MGMT: variants seen among roughly 807,000 people sequenced by gnomAD.
MGMT encodes O-6-methylguanine-DNA methyltransferase, also known as methylated-DNA--protein-cysteine methyltransferase.
In MGMT, 14 loss-of-function variants were observed where a neutral mutation model predicts 15.9. The observed-to-expected ratio is 0.88, with a 90% CI of 0.58 to 1.37. The LOEUF (loss-of-function observed/expected upper bound fraction) is 1.37. Among genes scored for constraint, MGMT ranks in the 40% most tolerant of loss-of-function variants. MGMT has a pLI of 0.00. For synonymous variants in MGMT, 130 were observed against 118.2 expected, an observed-to-expected ratio of 1.10 and a Z score of -0.65; for missense variants, 282 against 268.1, an observed-to-expected ratio of 1.05 and a Z score of -0.36.
At chr10:129,515,284 C>T (rs77157062) in intron 1 of MGMT, among the ~76,000 whole-genome samples, 22,925 of 152,190 alleles carry the variant, frequency 0.15, 2,379 homozygotes, top group African/African-American at 0.29. Flanking sequence ...GCAGCAGCTG[C>T]GGCCCTGGGA....
At position 129,528,302 on chromosome 10, in the gene MGMT, AGCCATGGAGAGCTGCAGTGGTATAGTG is replaced by A. The variant is rs1040019848; in HGVS notation, c.-12-7919_-12-7893del. Among the ~76,000 whole-genome samples, 26 of 152,200 alleles carry A rather than the reference AGCCATGGAGAGCTGCAGTGGTATAGTG, an allele frequency of 1.7e-4. No individual in the cohort carries two copies. The East Asian group carries it at 2.5e-3, about 15-fold the overall frequency. ...TTCTCACACAAGGAGAAGCCTAGCC[AGCCATGGAGAGCTGCAGTGGTATAGTG>A]GCCATGGAGAGCTGCAGTGTAGTGG... On this transcript the variant is annotated intron_variant, in intron 1 of 4. Transcript: ENST00000651593.
In MGMT at chr10:129,533,706, AG is replaced by A. The variant is rs1845956674; in HGVS notation, c.-12-2534del. Among the ~76,000 whole-genome samples, 1 of 151,970 alleles carries A rather than the reference AG, an allele frequency of 6.6e-6. No homozygotes were observed. Among genetic ancestry groups the A allele is most frequent in the Non-Finnish European group, 1.5e-5 (1 of 68,024 alleles). ...AATTCAGTTCCACAAGTATTTTATG[AG>A]CCCCTTGTGTGTGTGATGTGTGCTG... On this transcript the variant is annotated intron_variant, in intron 1 of 4. Transcript: ENST00000651593. The surrounding 1 kb of genome is among the most constrained non-coding windows in gnomAD (Gnocchi z 4.5).
chr10:129,505,444 CTG>C (rs1270940198), intron 1 of MGMT, among the ~76,000 whole-genome samples: 3 of 152,132 alleles, frequency 2.0e-5, no homozygotes, highest in African/African-American at 7.2e-5. Context: ...AAAGTAAAAA[CTG>C]AGATTCCATT....
chr10:129,672,732 G>C (rs754985968), intron 2 of MGMT, among the ~76,000 whole-genome samples: 1 of 151,926 alleles, frequency 6.6e-6, no homozygotes, highest in Non-Finnish European at 1.5e-5. Context: ...CTTTTTTCCT[G>C]CTTGAAGGTA....
chr10:129,575,352 A>G (rs1846467826), intron 2 of MGMT, among the ~76,000 whole-genome samples: 1 of 152,158 alleles, frequency 6.6e-6, no homozygotes, highest in Admixed American at 6.5e-5. Context: ...CCACAGTGCA[A>G]TCAAACTAGA....
rs956644325 is a variant in MGMT, at chr10:129,714,460, A to G, written c.274+6417A>G. On this transcript the variant is annotated intron_variant, in intron 3 of 4. Coordinates refer to ENST00000651593, the MANE Select transcript of MGMT (RefSeq NM_002412.5). ...TTCATTCAAGCACTTTCCTTTTTCA[A>G]GTTACTCATATCTCAGTTCATTCAA... 3.7e-4 allele frequency among the ~76,000 whole-genome samples: 56 copies of G among 152,122 alleles called. 1 individual carries two copies. The highest frequency in any genetic ancestry group is 1.3e-3 in the African/African-American group (54 of 41,412).
At chr10:129,688,927 T>A (rs1274074218) in intron 2 of MGMT, among the ~76,000 whole-genome samples, 2 of 152,000 alleles carry the variant, frequency 1.3e-5, no homozygotes. Context: ...GTTTATGGGT[T>A]TGTTTTTTTT....
At chr10:129,538,624 CTT>C (rs1051046403) in intron 2 of MGMT, among the ~76,000 whole-genome samples, 8 of 151,894 alleles carry the variant, frequency 5.3e-5, no homozygotes, top group African/African-American at 1.9e-4. Context: ...CTACTCAAGT[CTT>C]TTGCCCATTT....
At chr10:129,613,809 G>A (rs1846989797) in intron 2 of MGMT, among the ~76,000 whole-genome samples, 1 of 152,188 alleles carries the variant, frequency 6.6e-6, no homozygotes, top group Non-Finnish European at 1.5e-5. Context: ...CAGTGCAAGC[G>A]CAGGTCTGCC....
Position 129,467,274 on chromosome 10 carries a change from CG to C in MGMT, c.-33del. 6.5e-7 allele frequency: 1 copy of C among 1,544,380 alleles called. No individual in the cohort carries two copies. Among genetic ancestry groups the C allele is most frequent in the South Asian group, 1.2e-5 (1 of 83,464 alleles). On this transcript the variant is annotated 5_prime_UTR_variant, in exon 1 of 5. Transcript: ENST00000651593. ...GCGTCCCGACGCCCGCAGGTCCTCG[CG>C]GTGCGCACCGTTTGCGACTTGGTGA...
chr10:129,704,515 G>A (rs553625743), intron 2 of MGMT, among the ~76,000 whole-genome samples: 9 of 152,236 alleles, frequency 5.9e-5, no homozygotes, highest in Non-Finnish European at 1.0e-4. Context: ...GGAGAAGACC[G>A]GGGCATGTTC....
intron 4 of MGMT, among the ~76,000 whole-genome samples, chr10:129,765,457 T>A (rs1848922974): frequency 6.6e-6 from 1 of 152,192 alleles, no homozygotes; most frequent in Admixed American, 6.5e-5. Context: ...ACCAGAGAGA[T>A]GCCCATATGT....
At position 129,543,413 on chromosome 10, in the gene MGMT, TG is replaced by T. The variant is rs561454403; in HGVS notation, c.125+7037del. On this transcript the variant is annotated intron_variant, in intron 2 of 4. Transcript: ENST00000651593. The stretch of plus-strand genomic sequence containing the variant: ...TACAGCACTGCGGAGAATCCCAGGC[TG>T]TGGAGCACTGGCCCATCCACCCCAG... Among the ~76,000 whole-genome samples the T allele has an allele frequency of 8.6e-4, 131 of 152,282 alleles. No homozygotes were observed. The Middle Eastern group carries it at 0.017, about 20-fold the overall frequency.
At chr10:129,664,361 G>T (rs1039623843) in intron 2 of MGMT, among the ~76,000 whole-genome samples, 2 of 152,156 alleles carry the variant, frequency 1.3e-5, no homozygotes, top group Non-Finnish European at 2.9e-5. Flanking sequence ...TTGAGAAAAT[G>T]ACTAAGTGTG....
intron 3 of MGMT, among the ~76,000 whole-genome samples, chr10:129,749,719 AT>A (rs1348462999): frequency 1.3e-5 from 2 of 152,112 alleles, no homozygotes; most frequent in Admixed American, 1.3e-4. Context: ...TGGCTTTACC[AT>A]TTTGCATTCC....
At chr10:129,589,859 GCAGCCCATC>G (rs1054085005) in intron 2 of MGMT, among the ~76,000 whole-genome samples, 12 of 152,338 alleles carry the variant, frequency 7.9e-5, no homozygotes, top group African/African-American at 2.9e-4. Flanking sequence ...ATGGGAGCTG[GCAGCCCATC>G]CACCAGGAGG....
chr10:129,507,571 T>C (rs1485884170), intron 1 of MGMT, among the ~76,000 whole-genome samples: 4 of 152,104 alleles, frequency 2.6e-5, no homozygotes, highest in African/African-American at 9.7e-5. Flanking sequence ...CTCTGCAGTA[T>C]GTAGGAAGTC....
intron 2 of MGMT, among the ~76,000 whole-genome samples, chr10:129,614,438 G>A (rs550686087): frequency 8.5e-5 from 13 of 152,304 alleles, no homozygotes; most frequent in South Asian, 4.1e-4. Flanking sequence ...GTCCGCGGAC[G>A]TCCCTGTGCT....
Position 129,768,162 on chromosome 10 carries a change from T to C in MGMT, c.*1165T>C. On this transcript the variant is annotated 3_prime_UTR_variant, in exon 5 of 5. Coordinates refer to ENST00000651593, the MANE Select transcript of MGMT (RefSeq NM_002412.5). The stretch of plus-strand genomic sequence containing the variant: ...CACGTCACCGAGGCCTGGATGAAAA[T>C]GTGGCCTCACGATGTGTATGGTTGG... Among the ~76,000 whole-genome samples the C allele has an allele frequency of 6.6e-6, 1 of 152,174 alleles. No individual in the cohort carries two copies. Among genetic ancestry groups the C allele is most frequent in the East Asian group, 1.9e-4 (1 of 5,176 alleles).
Sources: gnomAD v4.1 joint callset for allele counts (sites outside exome capture counted in the v4.1 genomes callset) on GRCh38, gnomAD v4.1.1 for gene constraint, Gnocchi (gnomAD v3.1) non-coding constraint, MANE v1.5 for transcripts, NCBI Gene and HGNC (gene_info 2026-07-23, HGNC 2026-07-21) for gene names.